DPH1: variants seen among roughly 807,000 people sequenced by gnomAD.
The protein encoded by DPH1 is diphthamide biosynthesis 1.
DPH1 carries 59 observed loss-of-function variants against 55.3 expected under a neutral mutation model. The observed-to-expected ratio is 1.07, with a 90% CI of 0.87 to 1.33. The LOEUF is 1.33. DPH1 is among the 40% of genes most tolerant of loss of function. The pLI is 0.00. For synonymous variants in DPH1, 238 were observed against 235.5 expected (o/e 1.01, Z -0.10); for missense variants, 628 against 584.8 (o/e 1.07, Z -0.76).
chr17:2,038,125 T>C (rs2067453294), intron 6 of DPH1, among the ~76,000 whole-genome samples: 1 of 115,324 alleles, frequency 8.7e-6, no homozygotes. Context: ...GCTTGGGGAA[T>C]ATAATGAAAC....
intron 10 of DPH1, 39 bp downstream of exon 10, chr17:2,041,220 G>T: frequency 6.4e-7 from 1 of 1,572,500 alleles, no homozygotes. Flanking sequence ...CTTTGGACGT[G>T]GTTCTCAAAG....
chr17:2,033,925 G>A lies in DPH1; in HGVS notation c.278+83G>A, dbSNP rs2067367169. The A allele has an allele frequency of 2.0e-6, 3 of 1,536,372 alleles. No homozygotes were observed. The Admixed American group carries it at 5.1e-5, about 26-fold the overall frequency. On this transcript the variant is annotated intron_variant, in intron 3 of 12. Coordinates refer to ENST00000263083, the MANE Select transcript of DPH1 (RefSeq NM_001383.6). ...CATTACCCGGGTGGGTAAAGCCCTG[G>A]TGGCGGGCATTTTTTCCTTCTGAAC...
chr17:2,042,211 A>G (rs1392114921), intron 12 of DPH1: 2 of 1,431,380 alleles, frequency 1.4e-6, no homozygotes, highest in Admixed American at 2.9e-5. Flanking sequence ...CCGGGCCCCG[A>G]GGGCGCCAGA....
chr17:2,039,750 T>C lies in DPH1; in HGVS notation c.681-5T>C, dbSNP rs916041110. ...CCACACTTAGCCTCCTTTCCACCCC[T>C]GCAGGTATCTTGGAGATGGCCGCTT... On this transcript the variant is annotated splice_region_variant and splice_polypyrimidine_tract_variant and intron_variant, in intron 6 of 12. Coordinates refer to ENST00000263083, the MANE Select transcript of DPH1 (RefSeq NM_001383.6). The C allele has an allele frequency of 6.2e-7, 1 of 1,614,132 alleles. No homozygotes were observed. Among genetic ancestry groups the C allele is most frequent in the Non-Finnish European group, 8.5e-7 (1 of 1,180,000 alleles).
At chr17:2,042,070 G>C in intron 12 of DPH1, 195 bp downstream of exon 12, 2 of 1,557,350 alleles carry the variant, frequency 1.3e-6, no homozygotes, top group South Asian at 1.2e-5. Flanking sequence ...CGACCCCTGC[G>C]GGTCCTGTGC....
At chr17:2,035,837 C>A (rs2067415392) in intron 3 of DPH1, 133 bp from the exon 4 acceptor site, 1 of 1,372,816 alleles carries the variant, frequency 7.3e-7, no homozygotes, top group Non-Finnish European at 9.9e-7. Flanking sequence ...GCAGAAGTGG[C>A]AGCTGCCATC....
At chr17:2,039,703 G>C in intron 6 of DPH1, 52 bp from the exon 7 acceptor site, 1 of 1,612,278 alleles carries the variant, frequency 6.2e-7, no homozygotes. Context: ...AAGCCAGCGA[G>C]TGCCTCTTCT....
At chr17:2,035,824 T>A in intron 3 of DPH1, 146 bp from the exon 4 acceptor site, 11 of 1,282,274 alleles carry the variant, frequency 8.6e-6, no homozygotes, top group Non-Finnish European at 1.2e-5. Context: ...CTAATCTTTG[T>A]TGGCAGAAGT....
At position 2,041,476 on chromosome 17, in the gene DPH1, C is replaced by G. The variant is rs777400789; in HGVS notation, c.1087-5C>G. 1.2e-6 allele frequency: 2 copies of G among 1,600,946 alleles called. No individual in the cohort carries two copies. Among genetic ancestry groups the G allele is most frequent in the Admixed American group, 1.8e-5 (1 of 56,588 alleles). On this transcript the variant is annotated splice_polypyrimidine_tract_variant and splice_region_variant and intron_variant, in intron 10 of 12. Transcript: ENST00000263083. ...ATGTTATTGTCCCTCCCTCCCCTCC[C>G]CTAGGCGGCCGTGGCTCTGAGGGAC...
At chr17:2,042,096 C>T in intron 12 of DPH1, 1 of 1,568,784 alleles carries the variant, frequency 6.4e-7, no homozygotes. Flanking sequence ...GGGCTTCCGG[C>T]AGAGCGAGCG....
chr17:2,042,482 C>T (rs770616501), intron 12 of DPH1, 123 bp from the exon 13 acceptor site: 2 of 1,398,408 alleles, frequency 1.4e-6, no homozygotes, highest in Non-Finnish European at 1.9e-6. Flanking sequence ...TCATTTCCCC[C>T]AGACTTTTGC....
At chr17:2,037,030 T>G (rs1052915737) in intron 6 of DPH1, 74 bp downstream of exon 6, 32 of 1,543,686 alleles carry the variant, frequency 2.1e-5, no homozygotes, top group Non-Finnish European at 2.6e-5. Context: ...AGGTTCATCA[T>G]CCAGGAAAGA....
At chr17:2,042,471 C>T (rs1242701577) in intron 12 of DPH1, 134 bp from the exon 13 acceptor site, 98 of 1,358,788 alleles carry the variant, frequency 7.2e-5, no homozygotes, top group Non-Finnish European at 8.9e-5. Flanking sequence ...TTTCCCCCCT[C>T]TCATTTCCCC....
Position 2,041,487 on chromosome 17 carries a change from G to A in DPH1, c.1093G>A (p.Val365Met), listed in dbSNP as rs200231675. Residue 365 changes from valine (V) to methionine (M), a missense_variant, in exon 11 of 13, where the codon GTG becomes ATG. Coordinates refer to ENST00000263083, the MANE Select transcript of DPH1 (RefSeq NM_001383.6). ...KPLLTPYEAA[V>M]ALRDISWQQP... ...CCTCCCTCCCCTCCCCTAGGCGGCC[G>A]TGGCTCTGAGGGACATTTCCTGGCA... 17 of 1,604,740 alleles carry A rather than the reference G, an allele frequency of 1.1e-5. No homozygotes were observed. Among genetic ancestry groups the A allele is most frequent in the Non-Finnish European group, 1.4e-5 (16 of 1,176,468 alleles).
Position 2,036,217 on chromosome 17 carries a change from G to T in DPH1, c.400+126G>T. 1 of 1,458,958 alleles carries T rather than the reference G, an allele frequency of 6.9e-7. No individual in the cohort carries two copies. Among genetic ancestry groups the T allele is most frequent in the Non-Finnish European group, 9.1e-7 (1 of 1,099,250 alleles). The allele number at this position is 1,458,958 out of a possible 1,614,324, so 90.4% of individuals were successfully genotyped here. A position where few individuals can be genotyped will look rare whatever the true frequency, so the allele number is the denominator to read the frequency against. On this transcript the variant is annotated intron_variant, in intron 4 of 12. Transcript: ENST00000263083. This position sits in a 1 kb window ranked among gnomAD's most constrained non-coding sequence, Gnocchi z 4.8. ...ACACAAGGTCCCTCCTGGTTTCTGG[G>T]GTGGCCTCTGCCTTCCCGCTCTGCA...
chr17:2,035,564 TC>T (rs2067409965), intron 3 of DPH1, among the ~76,000 whole-genome samples: 1 of 116,674 alleles, frequency 8.6e-6, no homozygotes, highest in African/African-American at 3.2e-5. Context: ...CTGTGTGTAT[TC>T]ATACAGCCAC....
In DPH1 at chr17:2,041,594, C is replaced by A; in HGVS notation, c.1200C>A (p.His400Gln). The A allele has an allele frequency of 2.5e-6, 4 of 1,608,222 alleles. No homozygotes were observed. In the East Asian group the frequency reaches 8.9e-5, roughly 36 times the overall value. Residue 400 changes from histidine (H) to glutamine (Q), a missense_variant, in exon 11 of 13, where the codon CAC becomes CAA. His to Gln is a conservative substitution (Grantham distance 24, BLOSUM62 0). Coordinates refer to ENST00000263083, the MANE Select transcript of DPH1 (RefSeq NM_001383.6). ...TVNHGQDRRP[H>Q]APGRPARGKV... ...ACCACGGCCAGGACCGCCGTCCCCA[C>A]GCCCCGGGCCGGCCCGCGCGGGGGA...
intron 3 of DPH1, 58 bp from the exon 4 acceptor site, chr17:2,035,912 C>A: frequency 6.2e-7 from 1 of 1,603,374 alleles, no homozygotes; most frequent in Admixed American, 1.7e-5. Flanking sequence ...AGGGTTGGGT[C>A]TCTCCTACCT....
rs573155253 is a variant in DPH1 at position 2,030,378 on chromosome 17, G to T, written c.61+148G>T. 205 of 1,004,118 alleles carry T rather than the reference G, an allele frequency of 2.0e-4. No homozygotes were observed. The South Asian group carries it at 3.3e-3, about 16-fold the overall frequency. 62.2% of individuals were successfully genotyped at this position (1,004,118 alleles called of 1,614,324 possible). On this transcript the variant is annotated intron_variant, in intron 1 of 12. Coordinates refer to ENST00000263083, the MANE Select transcript of DPH1 (RefSeq NM_001383.6). ...CGCCTTGGGCCGCTGTCACCAGCTC[G>T]GGGTCGCTGTCAGCCGGAGCCCAGG...
Sources: gnomAD v4.1 joint callset for allele counts (sites outside exome capture counted in the v4.1 genomes callset) on GRCh38, gnomAD v4.1.1 for gene constraint, Gnocchi (gnomAD v3.1) non-coding constraint, MANE v1.5 for transcripts, NCBI Gene and HGNC (gene_info 2026-07-23, HGNC 2026-07-21) for gene names.